The following SIRT2 variants were observed in gnomAD, a reference collection of about 807,000 sequenced individuals.
SIRT2 encodes NAD-dependent protein deacetylase sirtuin-2.
A neutral mutation model predicts 57.4 loss-of-function variants in SIRT2; 40 were observed. The observed-to-expected ratio is 0.70, with a 90% CI of 0.54 to 0.91. The LOEUF is 0.91. Ranked by LOEUF, SIRT2 falls within the 40% of genes least tolerant of loss-of-function variation. SIRT2 has a pLI of 0.00. For synonymous variants in SIRT2, 161 were observed against 195.7 expected (o/e 0.82, Z 1.48); for missense variants, 439 against 510.4 (o/e 0.86, Z 1.35).
At chr19:38,886,608 C>T (rs1215963086) in intron 8 of SIRT2, among the ~76,000 whole-genome samples, 2 of 151,014 alleles carry the variant, frequency 1.3e-5, no homozygotes, top group Admixed American at 1.3e-4. Context: ...TGTGCACTAC[C>T]ATGCCTGGCT....
At chr19:38,879,593 G>A in intron 14 of SIRT2, 39 bp downstream of exon 14, 1 of 1,556,388 alleles carries the variant, frequency 6.4e-7, no homozygotes, top group Non-Finnish European at 8.7e-7. Flanking sequence ...ACCTCACCCT[G>A]TCCCTTCCAG....
chr19:38,881,725 T>C (rs1304280521), intron 9 of SIRT2, among the ~76,000 whole-genome samples: 2 of 151,966 alleles, frequency 1.3e-5, no homozygotes, highest in African/African-American at 4.8e-5. Context: ...TCTCACTCTG[T>C]TGCCCGGGCT....
chr19:38,891,621 G>A (rs1436176850), intron 4 of SIRT2, among the ~76,000 whole-genome samples: 1 of 152,072 alleles, frequency 6.6e-6, no homozygotes, highest in Non-Finnish European at 1.5e-5. Flanking sequence ...TTTTTGCAGA[G>A]AGGGGGTCTC....
intron 8 of SIRT2, among the ~76,000 whole-genome samples, chr19:38,886,823 T>G (rs867675709): frequency 6.6e-6 from 1 of 152,030 alleles, no homozygotes; most frequent in East Asian, 1.9e-4. Context: ...GGTTTCACCA[T>G]GTTGGCCAGG....
intron 11 of SIRT2, 82 bp downstream of exon 11, chr19:38,881,018 G>A: frequency 6.4e-7 from 1 of 1,551,516 alleles, no homozygotes; most frequent in Non-Finnish European, 8.8e-7. Flanking sequence ...CTTTCCTGAG[G>A]CAGGGCCCAG....
chr19:38,883,862 G>T, intron 8 of SIRT2, 106 bp from the exon 9 acceptor site: 1 of 1,237,422 alleles, frequency 8.1e-7, no homozygotes, highest in South Asian at 1.3e-5. Context: ...AGGTGGTGGG[G>T]ACAGGTGGAG....
In SIRT2 at chr19:38,896,380, T is replaced by A. The variant is rs116333508; in HGVS notation, c.63+1999A>T. 2.1e-3 allele frequency among the ~76,000 whole-genome samples: 322 copies of A among 152,268 alleles called. 1 individual carries two copies. The highest frequency in any genetic ancestry group is 7.3e-3 in the African/African-American group (303 of 41,544). On this transcript the variant is annotated intron_variant, in intron 2 of 15. Transcript: ENST00000249396. ...CAATATGCTACAGACCCACCTAATTTAAAAAATAATTTTTTAAAAAAGAGA... is the reference window on the plus strand; with the variant it reads ...CAATATGCTACAGACCCACCTAATTAAAAAAATAATTTTTTAAAAAAGAGA...
At chr19:38,899,076 G>A (rs1461159540) in intron 1 of SIRT2, among the ~76,000 whole-genome samples, 1 of 152,116 alleles carries the variant, frequency 6.6e-6, no homozygotes, top group Non-Finnish European at 1.5e-5. Context: ...GGCAGGTTTA[G>A]GAGGGAGGTG....
intron 3 of SIRT2, 34 bp downstream of exon 3, chr19:38,893,785 A>G: frequency 1.2e-6 from 2 of 1,612,412 alleles, no homozygotes; most frequent in Non-Finnish European, 8.5e-7. Flanking sequence ...GCCCCCCAGA[A>G]CCCTGCTCCC....
At chr19:38,894,225 T>C (rs995848569) in intron 2 of SIRT2, 1 of 275,254 alleles carries the variant, frequency 3.6e-6, no homozygotes, top group Non-Finnish European at 6.9e-6. Flanking sequence ...GCCTCCCAAG[T>C]AGCTGGGACC....
At chr19:38,883,852 A>G in intron 8 of SIRT2, 96 bp from the exon 9 acceptor site, 1 of 1,369,982 alleles carries the variant, frequency 7.3e-7, no homozygotes, top group African/African-American at 1.4e-5. Context: ...AGGAGCAGTG[A>G]GGTGGTGGGG....
chr19:38,890,243 G>A (rs1027690573), intron 4 of SIRT2, 99 bp from the exon 5 acceptor site: 4 of 1,246,826 alleles, frequency 3.2e-6, no homozygotes, highest in African/African-American at 1.5e-5. Context: ...TCCATGCCAG[G>A]CCCTGGGGCA....
rs1973011075 is a variant in SIRT2 at position 38,878,630 on chromosome 19, G to A, written c.*525C>T. 1 of 153,010 alleles carries A rather than the reference G, an allele frequency of 6.5e-6. No individual in the cohort carries two copies. Among genetic ancestry groups the A allele is most frequent in the Admixed American group, 6.5e-5 (1 of 15,292 alleles). 9.5% of individuals were successfully genotyped at this position (153,010 alleles called of 1,614,324 possible). A position where few individuals can be genotyped will look rare whatever the true frequency, so the allele number is the denominator to read the frequency against. On this transcript the variant is annotated 3_prime_UTR_variant, in exon 16 of 16. Transcript: ENST00000249396. Reference sequence around the variant, plus strand: ...TTCTGCCCATCCAGCATGGGAAGTGGGTCCCACGTGAAGGGGGCCCACCAC... The same window carrying A: ...TTCTGCCCATCCAGCATGGGAAGTGAGTCCCACGTGAAGGGGGCCCACCAC...
In SIRT2 at chr19:38,878,767, A is replaced by C; in HGVS notation, c.*388T>G. On this transcript the variant is annotated 3_prime_UTR_variant, in exon 16 of 16. Coordinates refer to ENST00000249396, the MANE Select transcript of SIRT2 (RefSeq NM_012237.4). The stretch of plus-strand genomic sequence containing the variant: ...ACACCCACACTGGGGTAGGTTAGGT[A>C]TGGTTTACTTAGCCACAGGCCCCCG... 2 of 171,508 alleles carry C rather than the reference A, an allele frequency of 1.2e-5. No individual in the cohort carries two copies. The allele number at this position is 171,508 out of a possible 1,614,324, so 10.6% of individuals were successfully genotyped here.
intron 1 of SIRT2, among the ~76,000 whole-genome samples, chr19:38,899,122 C>T (rs900031261): frequency 6.6e-6 from 1 of 152,092 alleles, no homozygotes; most frequent in East Asian, 1.9e-4. Context: ...TTAGGAGAGG[C>T]GCGGAACAAG....
Position 38,889,735 on chromosome 19 carries a change from T to G in SIRT2, c.386A>C (p.Glu129Ala), listed in dbSNP as rs1441267044. The G allele has an allele frequency of 1.9e-6, 3 of 1,613,966 alleles. No individual in the cohort carries two copies. Among genetic ancestry groups the G allele is most frequent in the South Asian group, 1.1e-5 (1 of 91,086 alleles). Residue 129 changes from glutamate (E) to alanine (A), a missense_variant, in exon 7 of 16, where the codon GAA (glutamate) becomes GCA (alanine). Glu to Ala is a moderately radical substitution (Grantham distance 107). Coordinates refer to ENST00000249396, the MANE Select transcript of SIRT2 (RefSeq NM_012237.4). ...FEISYFKKHP[E>A]PFFALAKELY... ...TTCCTTGGCGAGGGCGAAGAAGGGT[T>G]CCGGATGTTTCTGTAGGAGAGACAG...
At chr19:38,881,218 G>A (rs80239510) in intron 10 of SIRT2, 63 bp from the exon 11 acceptor site, 7 of 1,529,366 alleles carry the variant, frequency 4.6e-6, no homozygotes, top group African/African-American at 1.4e-5. Flanking sequence ...GGACAGGTGG[G>A]AGCAATGGCA....
chr19:38,893,715 G>T, intron 3 of SIRT2, 104 bp downstream of exon 3: 1 of 1,417,378 alleles, frequency 7.1e-7, no homozygotes. Flanking sequence ...ACATACTTTG[G>T]ATGTCACTCC....
intron 3 of SIRT2, 134 bp downstream of exon 3, chr19:38,893,685 C>T (rs1973620189): frequency 3.1e-6 from 4 of 1,275,490 alleles, no homozygotes; most frequent in Non-Finnish European, 4.5e-6. Flanking sequence ...TGCTCTGGCA[C>T]TGGTACCCAA....
Sources: gnomAD v4.1 joint callset for allele counts (sites outside exome capture counted in the v4.1 genomes callset) on GRCh38, gnomAD v4.1.1 for gene constraint, MANE v1.5 for transcripts, NCBI Gene and HGNC (gene_info 2026-07-23, HGNC 2026-07-21) for gene names.